The following ABHD2 variants were observed in gnomAD, a reference collection of about 807,000 sequenced individuals.
The protein encoded by ABHD2 is abhydrolase domain containing 2, acylglycerol lipase, also known as monoacylglycerol lipase ABHD2.
ABHD2 carries 20 observed loss-of-function variants against 48.1 expected under a neutral mutation model. That is an observed-to-expected ratio of 0.42 (90% CI 0.29 to 0.60). ABHD2 has a LOEUF of 0.60. ABHD2 is among the 20% of genes least tolerant of loss of function. The pLI is 0.24. For missense variants in ABHD2, 405 were observed against 550.9 expected (o/e 0.74, Z 2.65); for synonymous variants, 209 against 214.2 (o/e 0.98, Z 0.21).
At chr15:89,156,519 G>C (rs1235004168) in intron 5 of ABHD2, among the ~76,000 whole-genome samples, 1 of 152,046 alleles carries the variant, frequency 6.6e-6, no homozygotes. Flanking sequence ...GGCTGAGGCA[G>C]GTGGATCACT....
In ABHD2 at chr15:89,175,922, T is replaced by C. The variant is rs958528757; in HGVS notation, c.649T>C (p.Leu217=). The C allele has an allele frequency of 6.2e-6, 10 of 1,613,970 alleles. No homozygotes were observed. Among genetic ancestry groups the C allele is most frequent in the Admixed American group, 5.0e-5 (3 of 59,978 alleles). The part of the protein sequence containing the change: ...SLGGNIVCKY[L]GETQANQEKV... The stretch of plus-strand genomic sequence containing the variant: ...GGGTGGTAACATTGTGTGCAAATAC[T>C]TGGGGGAGACTCAGGCAAACCAAGA... Residue 217 remains leucine (L), a synonymous_variant, in exon 6 of 11, where the codon TTG becomes CTG. Coordinates refer to ENST00000352732, the MANE Select transcript of ABHD2 (RefSeq NM_152924.5). The surrounding 1 kb of genome is among the most constrained non-coding windows in gnomAD (Gnocchi z 5.7).
intron 6 of ABHD2, among the ~76,000 whole-genome samples, chr15:89,180,329 T>C (rs1237574446): frequency 6.6e-6 from 1 of 152,074 alleles, no homozygotes; most frequent in Non-Finnish European, 1.5e-5. Flanking sequence ...CTCATTCCTG[T>C]AAAAGTACAT....
rs558371947 is a variant in ABHD2, at chr15:89,188,573, G to A, written c.926+270G>A. 5.9e-5 allele frequency among the ~76,000 whole-genome samples: 9 copies of A among 152,354 alleles called. No individual in the cohort carries two copies. The East Asian group carries it at 7.7e-4, about 13-fold the overall frequency. On this transcript the variant is annotated intron_variant, in intron 8 of 10. Transcript: ENST00000352732. The surrounding 1 kb of genome is among the most constrained non-coding windows in gnomAD (Gnocchi z 4.1). ...TTAGCTTGATTCAAGGAGCTGGGGC[G>A]TGCAGGCCCTAGCATGGGCAGTCTT... is the stretch of plus-strand genomic sequence containing the variant.
At position 89,102,016 on chromosome 15, in the gene ABHD2, T is replaced by C. The variant is rs562957812; in HGVS notation, c.-106-11709T>C. On this transcript the variant is annotated intron_variant, in intron 1 of 10. Coordinates refer to ENST00000352732, the MANE Select transcript of ABHD2 (RefSeq NM_152924.5). This position sits in a 1 kb window ranked among gnomAD's most constrained non-coding sequence, Gnocchi z 4.8. ...ACCTGTGTAGCGTCATTTTCCAGGC[T>C]GATGTCTGGAATTCCCCTTGTAAGT... 1.3e-5 allele frequency among the ~76,000 whole-genome samples: 2 copies of C among 152,212 alleles called. No individual in the cohort carries two copies. The highest frequency in any genetic ancestry group is 4.1e-4 in the South Asian group (2 of 4,830).
the ABHD2 span, among the ~76,000 whole-genome samples, chr15:89,051,645 C>T: frequency 6.6e-6 from 1 of 152,150 alleles, no homozygotes; most frequent in South Asian, 2.1e-4. Context: ...GTGTTGTTCT[C>T]GTGATAGTGA....
intron 3 of ABHD2, among the ~76,000 whole-genome samples, chr15:89,126,347 C>T (rs1054562957): frequency 4.6e-5 from 7 of 152,200 alleles, no homozygotes; most frequent in Admixed American, 4.6e-4. Flanking sequence ...ATTTGCTTTA[C>T]AGGACTTACA....
Position 89,102,589 on chromosome 15 carries a change from A to G in ABHD2, c.-106-11136A>G, listed in dbSNP as rs542254667. Reference sequence around the variant, plus strand: ...GAATTAATTTTTGGTAAGTGGGGTAATTTTCTTTCCTAATCTCAGAGTAAT... The same window carrying G: ...GAATTAATTTTTGGTAAGTGGGGTAGTTTTCTTTCCTAATCTCAGAGTAAT... On this transcript the variant is annotated intron_variant, in intron 1 of 10. Transcript: ENST00000352732. This position sits in a 1 kb window ranked among gnomAD's most constrained non-coding sequence, Gnocchi z 4.8. 6.6e-6 allele frequency: 1 copy of G among 152,272 alleles called. No homozygotes were observed. The highest frequency in any genetic ancestry group is 2.4e-5 in the African/African-American group (1 of 41,554). 9.4% of individuals were successfully genotyped at this position (152,272 alleles called of 1,614,324 possible). A position where few individuals can be genotyped will look rare whatever the true frequency, so the allele number is the denominator to read the frequency against.
Position 89,175,682 on chromosome 15 carries a change from C to A in ABHD2, c.539-130C>A. On this transcript the variant is annotated intron_variant, in intron 5 of 10. Coordinates refer to ENST00000352732, the MANE Select transcript of ABHD2 (RefSeq NM_152924.5). The surrounding 1 kb of genome is among the most constrained non-coding windows in gnomAD (Gnocchi z 5.7). ...CCACACACATCCCCCGACACACACA[C>A]GTATATATACACATATATATTTCTC... The A allele has an allele frequency of 1.1e-6, 1 of 940,470 alleles. No homozygotes were observed. The highest frequency in any genetic ancestry group is 1.5e-5 in the South Asian group (1 of 67,194). 58.3% of individuals were successfully genotyped at this position (940,470 alleles called of 1,614,324 possible).
rs2238317 is a variant in ABHD2 at position 89,186,292 on chromosome 15, C to T, written c.815+776C>T. On this transcript the variant is annotated intron_variant, in intron 7 of 10. Coordinates refer to ENST00000352732, the MANE Select transcript of ABHD2 (RefSeq NM_152924.5). The surrounding 1 kb of genome is among the most constrained non-coding windows in gnomAD (Gnocchi z 4.3). ...TCATGCTTGTCCTGCCTCTCCGCCTCGTAATCCTGTGGTGGGTTAACCTGT... is the reference window on the plus strand; with the variant it reads ...TCATGCTTGTCCTGCCTCTCCGCCTTGTAATCCTGTGGTGGGTTAACCTGT... 5.3e-5 allele frequency among the ~76,000 whole-genome samples: 8 copies of T among 152,102 alleles called. No homozygotes were observed. The highest frequency in any genetic ancestry group is 2.9e-5 in the Non-Finnish European group (2 of 68,012).
chr15:89,184,947 AT>A lies in ABHD2; in HGVS notation c.723-473del, dbSNP rs1010020146. 2.0e-5 allele frequency among the ~76,000 whole-genome samples: 3 copies of A among 152,040 alleles called. No individual in the cohort carries two copies. Among genetic ancestry groups the A allele is most frequent in the Admixed American group, 6.5e-5 (1 of 15,268 alleles). The stretch of plus-strand genomic sequence containing the variant: ...TATTTGGAGGAGATCCCAGTTAATG[AT>A]TTTCCTTTACCTCTTGATCAGCAAT... On this transcript the variant is annotated intron_variant, in intron 6 of 10. Coordinates refer to ENST00000352732, the MANE Select transcript of ABHD2 (RefSeq NM_152924.5). The surrounding 1 kb of genome is among the most constrained non-coding windows in gnomAD (Gnocchi z 5.1).
chr15:89,063,842 G>A, the ABHD2 span, among the ~76,000 whole-genome samples: 3 of 152,002 alleles, frequency 2.0e-5, no homozygotes, highest in African/African-American at 4.8e-5. Flanking sequence ...ATTTTTCCAC[G>A]GACAGGGTGG....
the ABHD2 span, among the ~76,000 whole-genome samples, chr15:89,059,370 A>G: frequency 6.6e-6 from 1 of 152,170 alleles, no homozygotes; most frequent in Non-Finnish European, 1.5e-5. Flanking sequence ...AGGAAATCCA[A>G]ACTGGCTATT....
rs1243484822 is a variant in ABHD2 at position 89,151,677 on chromosome 15, A to T, written c.195A>T (p.Glu65Asp). ...LLKSCPLLTK[E>D]YIPPLIWGKS... is the part of the protein sequence containing the mutation. The stretch of plus-strand genomic sequence containing the variant: ...TTGACCTCCCTTGTCCTTTCTTTAG[A>T]TACATTCCACCGTTGATCTGGGGGA... Residue 65 changes from glutamate (E) to aspartate (D), a missense_variant and splice_region_variant, in exon 4 of 11, where the codon GAA becomes GAT. Coordinates refer to ENST00000352732, the MANE Select transcript of ABHD2 (RefSeq NM_152924.5). This position sits in a 1 kb window ranked among gnomAD's most constrained non-coding sequence, Gnocchi z 4.7. 1.2e-6 allele frequency: 2 copies of T among 1,613,506 alleles called. No homozygotes were observed. The highest frequency in any genetic ancestry group is 1.7e-6 in the Non-Finnish European group (2 of 1,179,580).
At chr15:89,049,333 T>A in the ABHD2 span, among the ~76,000 whole-genome samples, 1 of 152,250 alleles carries the variant, frequency 6.6e-6, no homozygotes, top group Admixed American at 6.5e-5. Flanking sequence ...AGGTTACTGC[T>A]GTCTTTTTGT....
chr15:89,091,211 A>G lies in ABHD2; in HGVS notation c.-107+2648A>G, dbSNP rs16942690. On this transcript the variant is annotated intron_variant, in intron 1 of 10. Transcript: ENST00000352732. The surrounding 1 kb of genome is among the most constrained non-coding windows in gnomAD (Gnocchi z 5.5). ...TGCCAGCCAATTCCCTTTTGATGAA[A>G]AGATGCCTGCCACTTTCATTTTTTG... 0.16 allele frequency among the ~76,000 whole-genome samples: 23,746 copies of G among 152,204 alleles called. 2,136 individuals are homozygous for G. Among genetic ancestry groups the G allele is most frequent in the South Asian group, 0.32 (1,538 of 4,828 alleles).
intron 3 of ABHD2, among the ~76,000 whole-genome samples, chr15:89,139,045 G>A (rs2050362151): frequency 6.8e-6 from 1 of 147,620 alleles, no homozygotes; most frequent in African/African-American, 2.7e-5. Context: ...GCAAGACCCT[G>A]TCTCTACAAA....
chr15:89,078,725 C>CTTTTTTTTTTTTTTTTT, the ABHD2 span, among the ~76,000 whole-genome samples: 1 of 143,676 alleles, frequency 7.0e-6, no homozygotes, highest in Non-Finnish European at 1.5e-5. Flanking sequence ...ACAATGTAGG[C>CTTTTTTTTTTTTTTTTT]TTTTTTTTTT....
Position 89,166,024 on chromosome 15 carries a change from C to A in ABHD2, c.539-9788C>A, listed in dbSNP as rs1012119214. 6.6e-6 allele frequency among the ~76,000 whole-genome samples: 1 copy of A among 152,148 alleles called. No individual in the cohort carries two copies. Among genetic ancestry groups the A allele is most frequent in the African/African-American group, 2.4e-5 (1 of 41,426 alleles). On this transcript the variant is annotated intron_variant, in intron 5 of 10. Transcript: ENST00000352732. This position sits in a 1 kb window ranked among gnomAD's most constrained non-coding sequence, Gnocchi z 4.6. ...ATTTTCCAGCTTGTGCTTATTCTGG[C>A]CTCCATATCATACCTTCATATCTTG...
chr15:89,062,224 G>A, the ABHD2 span, among the ~76,000 whole-genome samples: 4 of 152,160 alleles, frequency 2.6e-5, 1 homozygote, highest in Non-Finnish European at 5.9e-5. Context: ...AAAAAGCAGA[G>A]TGTGTGAAGA....
Sources: gnomAD v4.1 joint callset for allele counts (sites outside exome capture counted in the v4.1 genomes callset) on GRCh38, gnomAD v4.1.1 for gene constraint, Gnocchi (gnomAD v3.1) non-coding constraint, MANE v1.5 for transcripts, NCBI Gene and HGNC (gene_info 2026-07-23, HGNC 2026-07-21) for gene names.